HJURP: variants seen among roughly 807,000 people sequenced by gnomAD.
The protein encoded by HJURP is 14-3-3-associated AKT substrate.
A neutral mutation model predicts 72.0 loss-of-function variants in HJURP; 49 were observed. The ratio of observed to expected loss-of-function variants is 0.68; its 90% CI spans 0.54 to 0.86. The LOEUF is 0.86. HJURP is among the 40% of genes least tolerant of loss of function. The probability of loss-of-function intolerance (pLI) is 0.00; values close to 1 mark genes in which losing one functional copy is unlikely to be tolerated. For synonymous variants in HJURP, 357 were observed against 347.1 expected (o/e 1.03, Z -0.32); for missense variants, 908 against 936.3 (o/e 0.97, Z 0.39).
chr2:233,840,504 G>T, intron 8 of HJURP, 105 bp downstream of exon 8: 1 of 1,171,002 alleles, frequency 8.5e-7, no homozygotes, highest in Non-Finnish European at 1.2e-6. Context: ...TAAGAATTCG[G>T]CTGAGATTCA....
chr2:233,841,962 C>G lies in HJURP; in HGVS notation c.818G>C (p.Arg273Pro), dbSNP rs201198590. Residue 273 changes from arginine (R) to proline (P), a missense_variant, in exon 8 of 9, where the codon CGG becomes CCG. Arg to Pro is a moderately radical substitution (Grantham distance 103). This residue lies in a region of HJURP where 598 missense variants were observed against 619.5 expected (regional missense o/e 0.97). Coordinates refer to ENST00000411486, the MANE Select transcript of HJURP (RefSeq NM_018410.5). The stretch of plus-strand genomic sequence containing the variant: ...GCTTGATGGCTTTGTGCTCAACAGC[C>G]GGCTCATGGAGTGCAGCATCCCTGC... ...LYAGMLHSMS[R>P]LLSTKPSSII... 2 of 1,614,138 alleles carry G rather than the reference C, an allele frequency of 1.2e-6. No individual in the cohort carries two copies. Among genetic ancestry groups the G allele is most frequent in the Middle Eastern group, 1.6e-4 (1 of 6,062 alleles).
Position 233,841,563 on chromosome 2 carries a change from G to A in HJURP, c.1217C>T (p.Thr406Ile). 3 of 1,614,042 alleles carry A rather than the reference G, an allele frequency of 1.9e-6. No individual in the cohort carries two copies. Among genetic ancestry groups the A allele is most frequent in the Middle Eastern group, 1.6e-4 (1 of 6,062 alleles). Residue 406 changes from threonine (T) to isoleucine (I), a missense_variant, in exon 8 of 9, where the codon ACA becomes ATA. This residue lies in a region of HJURP where 598 missense variants were observed against 619.5 expected (regional missense o/e 0.97). Coordinates refer to ENST00000411486, the MANE Select transcript of HJURP (RefSeq NM_018410.5). ...TACAGGAGAAATTAACCATTTTAAT[G>A]TCCTAAATCTATTTTCCTCATCAAG... ...YNLDEENRFR[T>I]LKWLISPVKI...
At position 233,853,867 on chromosome 2, in the gene HJURP, G is replaced by T; in HGVS notation, c.161C>A (p.Thr54Lys). 1 of 1,614,076 alleles carries T rather than the reference G, an allele frequency of 6.2e-7. No homozygotes were observed. Among genetic ancestry groups the T allele is most frequent in the Non-Finnish European group, 8.5e-7 (1 of 1,179,940 alleles). ...ACCCTGTGGCGTCTCGTAGGTCAGC[G>T]TGGCCATTTGCACCACCGGGGTGTC... ...FEDTPVVQMATLTYETPQGLR... is the reference protein window; with the variant it reads ...FEDTPVVQMAKLTYETPQGLR... The change falls in exon 2 of 9, where the codon ACG (threonine) becomes AAG (lysine). Residue 54 changes from threonine to lysine, a missense_variant. Thr to Lys is a moderately conservative substitution (Grantham distance 78, BLOSUM62 -1). Coordinates refer to ENST00000411486, the MANE Select transcript of HJURP (RefSeq NM_018410.5).
intron 3 of HJURP, 145 bp from the exon 4 acceptor site, chr2:233,850,004 C>A (rs959313172): frequency 1.1e-5 from 7 of 624,072 alleles, no homozygotes; most frequent in Non-Finnish European, 1.7e-5. Context: ...CCCTGCATGT[C>A]CACTTTATAA....
chr2:233,845,971 C>T (rs566198701), intron 5 of HJURP, 151 bp from the exon 6 acceptor site: 20 of 569,808 alleles, frequency 3.5e-5, no homozygotes, highest in Admixed American at 6.2e-5. Flanking sequence ...TATTCAAAGT[C>T]ACTTTTTCAC....
At chr2:233,850,612 C>A (rs150788277) in intron 3 of HJURP, among the ~76,000 whole-genome samples, 26 of 152,330 alleles carry the variant, frequency 1.7e-4, no homozygotes, top group Admixed American at 2.6e-4. Flanking sequence ...AGGGATGGTC[C>A]TCAGGTGTCA....
At position 233,837,487 on chromosome 2, in the gene HJURP, C is replaced by G. The variant is rs959941762; in HGVS notation, c.*90G>C. The G allele has an allele frequency of 5.7e-6, 5 of 882,144 alleles. No homozygotes were observed. Among genetic ancestry groups the G allele is most frequent in the African/African-American group, 1.7e-5 (1 of 59,562 alleles). 54.6% of individuals were successfully genotyped at this position (882,144 alleles called of 1,614,324 possible). ...TTACTTTAAGGGCAGAGAAGTCAAC[C>G]AAGTCCTCACAGTCTCAAGAATCAA... On this transcript the variant is annotated 3_prime_UTR_variant, in exon 9 of 9. Coordinates refer to ENST00000411486, the MANE Select transcript of HJURP (RefSeq NM_018410.5).
intron 7 of HJURP, among the ~76,000 whole-genome samples, chr2:233,842,434 C>G (rs1705256757): frequency 6.6e-6 from 1 of 152,142 alleles, no homozygotes; most frequent in South Asian, 2.1e-4. Flanking sequence ...TCCTTTCCCT[C>G]TAGGCTGTTT....
chr2:233,849,633 T>C (rs552548758), intron 4 of HJURP, 130 bp downstream of exon 4: 1 of 615,032 alleles, frequency 1.6e-6, no homozygotes, highest in African/African-American at 1.9e-5. Context: ...AACATGATTT[T>C]AGTTTTTAAG....
rs1306088828 is a variant in HJURP, at chr2:233,841,277, A to G, written c.1503T>C (p.Phe501=). The change falls in exon 8 of 9, where the codon TTT becomes TTC. Residue 501 remains phenylalanine (F), a synonymous_variant. Transcript: ENST00000411486. ...KAKAKSLSEA[F]ENLGKRSLEA... ...CCAGAGATCTTTTGCCTAGGTTTTC[A>G]AAAGCCTCACTTAAACTTTTTGCTT... 6.2e-7 allele frequency: 1 copy of G among 1,613,960 alleles called. No homozygotes were observed. The highest frequency in any genetic ancestry group is 2.2e-5 in the East Asian group (1 of 44,902).
chr2:233,842,250 A>G lies in HJURP; in HGVS notation c.575-45T>C, dbSNP rs762424339. On this transcript the variant is annotated intron_variant, in intron 7 of 8. Transcript: ENST00000411486. ...TAAAGTAAAGGTGTGTTACCATTCT[A>G]AACCATCCATGTGCACAGATGACAG... 9 of 1,503,892 alleles carry G rather than the reference A, an allele frequency of 6.0e-6. No homozygotes were observed. The Admixed American group carries it at 7.9e-5, about 13-fold the overall frequency. The allele number at this position is 1,503,892 out of a possible 1,614,324, so 93.2% of individuals were successfully genotyped here.
chr2:233,846,553 C>T lies in HJURP; in HGVS notation c.403-733G>A, dbSNP rs773745148. ...GGAAATAGAGGGCGTCACCCTCTAT[C>T]CTCTGCTGAGTGGGGCTGGCACTTT... On this transcript the variant is annotated intron_variant, in intron 5 of 8. Transcript: ENST00000411486. This position sits in a 1 kb window ranked among gnomAD's most constrained non-coding sequence, Gnocchi z 4.3. 3.3e-5 allele frequency among the ~76,000 whole-genome samples: 5 copies of T among 152,180 alleles called. No homozygotes were observed. The highest frequency in any genetic ancestry group is 2.1e-4 in the South Asian group (1 of 4,830).
chr2:233,838,498 G>A (rs1378267377), intron 8 of HJURP, among the ~76,000 whole-genome samples: 1 of 152,138 alleles, frequency 6.6e-6, no homozygotes, highest in African/African-American at 2.4e-5. Context: ...CGACTGGCAC[G>A]GTGCCAGATC....
Position 233,841,604 on chromosome 2 carries a change from G to A in HJURP, c.1176C>T (p.Ser392=). 1.2e-6 allele frequency: 2 copies of A among 1,614,150 alleles called. No homozygotes were observed. The highest frequency in any genetic ancestry group is 1.7e-6 in the Non-Finnish European group (2 of 1,179,994). Residue 392 remains serine, a synonymous_variant, in exon 8 of 9, where the codon TCC becomes TCT. Transcript: ENST00000411486. ...CCTCATCAAGATTATATGTTGCACT[G>A]GAGTCGAAGTAAATCAAGGAAGAAT... ...SKYSSLIYFD[S]SATYNLDEEN...
At chr2:233,852,508 CATATGA>C in intron 3 of HJURP, 51 bp downstream of exon 3, 8 of 1,309,460 alleles carry the variant, frequency 6.1e-6, no homozygotes, top group Non-Finnish European at 8.9e-6. Flanking sequence ...CACCTTTATT[CATATGA>C]ATACTCCTCC....
At chr2:233,849,635 G>A (rs1184420151) in intron 4 of HJURP, 128 bp downstream of exon 4, 7 of 624,460 alleles carry the variant, frequency 1.1e-5, no homozygotes, top group Non-Finnish European at 2.0e-5. Flanking sequence ...CATGATTTTA[G>A]TTTTTAAGAT....
At position 233,841,001 on chromosome 2, in the gene HJURP, G is replaced by C. The variant is rs149376594; in HGVS notation, c.1779C>G (p.Leu593=). ...EFDKLHQKYC[L]KSPGQMTVPL... is the part of the protein sequence containing the mutation. ...GCACTGTCATCTGCCCAGGAGATTT[G>C]AGGCAATACTTTTGATGAAGCTTGT... The change falls in exon 8 of 9, where the codon CTC becomes CTG. Residue 593 remains leucine, a synonymous_variant. Coordinates refer to ENST00000411486, the MANE Select transcript of HJURP (RefSeq NM_018410.5). 49 of 1,614,160 alleles carry C rather than the reference G, an allele frequency of 3.0e-5. No homozygotes were observed. The African/African-American group carries it at 6.0e-4, about 20-fold the overall frequency.
chr2:233,847,323 C>T (rs1167501029), intron 5 of HJURP, 74 bp downstream of exon 5: 1 of 1,186,026 alleles, frequency 8.4e-7, no homozygotes, highest in African/African-American at 1.5e-5. Flanking sequence ...CCGCCTCAGG[C>T]CACATGGGCT....
At chr2:233,843,767 G>C (rs1238872659) in intron 7 of HJURP, among the ~76,000 whole-genome samples, 1 of 152,204 alleles carries the variant, frequency 6.6e-6, no homozygotes. Context: ...CCTGTGTTAA[G>C]CGTACTGTAG....
Sources: gnomAD v4.1 joint callset for allele counts (sites outside exome capture counted in the v4.1 genomes callset) on GRCh38, gnomAD v4.1.1 for gene constraint, gnomAD v4.1.1 regional missense constraint, Gnocchi (gnomAD v3.1) non-coding constraint, MANE v1.5 for transcripts, NCBI Gene and HGNC (gene_info 2026-07-23, HGNC 2026-07-21) for gene names.